RFX4: variants seen among roughly 807,000 people sequenced by gnomAD.
RFX4 encodes the protein transcription factor RFX4.
Under a neutral mutation model 95.0 loss-of-function variants are expected in RFX4, and 10 were observed. The observed-to-expected ratio is 0.11, with a 90% CI of 0.06 to 0.18. RFX4 has a LOEUF of 0.18. RFX4 is among the 10% of genes least tolerant of loss of function. The probability of loss-of-function intolerance (pLI) is 1.00; values close to 1 mark genes in which losing one functional copy is unlikely to be tolerated. For missense variants in RFX4, 640 were observed against 922.0 expected, an observed-to-expected ratio of 0.69 and a Z score of 3.96; for synonymous variants, 321 against 340.7, an observed-to-expected ratio of 0.94 and a Z score of 0.64.
intron 1 of RFX4, among the ~76,000 whole-genome samples, chr12:106,607,577 T>TGGGG (rs200818869): frequency 4.4e-4 from 23 of 51,992 alleles, no homozygotes; most frequent in Non-Finnish European, 5.0e-4. Context: ...GGGGGTGGGG[T>TGGGG]GGGGGGGGCG....
At chr12:106,722,177 A>G (rs1011403317) in intron 13 of RFX4, among the ~76,000 whole-genome samples, 3 of 152,278 alleles carry the variant, frequency 2.0e-5, no homozygotes, top group African/African-American at 7.2e-5. Context: ...TAGCTCTGGA[A>G]AAATCATTCA....
chr12:106,713,335 G>A (rs1366922410), intron 10 of RFX4, among the ~76,000 whole-genome samples: 1 of 152,186 alleles, frequency 6.6e-6, no homozygotes, highest in Non-Finnish European at 1.5e-5. Context: ...GAATCTTTTG[G>A]GTGCCTACTG....
chr12:106,687,549 CAAAAA>C (rs34562413), intron 6 of RFX4, among the ~76,000 whole-genome samples: 1 of 73,896 alleles, frequency 1.4e-5, no homozygotes, highest in Non-Finnish European at 3.3e-5. Flanking sequence ...AACTCCATCT[CAAAAA>C]AAAAAAAAAA....
At chr12:106,672,899 G>A (rs1457553952) in intron 4 of RFX4, among the ~76,000 whole-genome samples, 2 of 152,088 alleles carry the variant, frequency 1.3e-5, no homozygotes, top group African/African-American at 2.4e-5. Context: ...AGAATGTGAT[G>A]TGATACAGCA....
chr12:106,687,971 G>T (rs2041695793), intron 6 of RFX4, among the ~76,000 whole-genome samples: 1 of 151,728 alleles, frequency 6.6e-6, no homozygotes, highest in Non-Finnish European at 1.5e-5. Context: ...GATTTTATAG[G>T]TATAGTGAAT....
At chr12:106,634,170 A>G (rs1340908358) in intron 2 of RFX4, among the ~76,000 whole-genome samples, 1 of 152,250 alleles carries the variant, frequency 6.6e-6, no homozygotes, top group African/African-American at 2.4e-5. Flanking sequence ...AAAAAGATGA[A>G]CATGCATTAC....
At chr12:106,749,355 G>C (rs1359969170) in intron 16 of RFX4, among the ~76,000 whole-genome samples, 1 of 152,078 alleles carries the variant, frequency 6.6e-6, no homozygotes, top group East Asian at 1.9e-4. Flanking sequence ...GGGGGACATG[G>C]GAGGAGGAGG....
intron 15 of RFX4, 92 bp from the exon 16 acceptor site, chr12:106,747,345 C>T (rs61943292): frequency 1.4e-6 from 2 of 1,447,988 alleles, no homozygotes; most frequent in Admixed American, 1.9e-5. Flanking sequence ...TTTTGGCCTT[C>T]AACTTAAGAA....
intron 2 of RFX4, among the ~76,000 whole-genome samples, chr12:106,630,847 G>A (rs749358195): frequency 4.6e-5 from 7 of 152,242 alleles, no homozygotes; most frequent in South Asian, 2.1e-4. Context: ...GAAAGGAAAT[G>A]ATGAGGCAGA....
At chr12:106,684,192 C>A (rs976673313) in intron 5 of RFX4, among the ~76,000 whole-genome samples, 3 of 152,100 alleles carry the variant, frequency 2.0e-5, no homozygotes, top group African/African-American at 7.2e-5. Context: ...CATGGTGAAA[C>A]CCCATCTCTA....
chr12:106,693,316 C>T (rs1290164054), intron 7 of RFX4, among the ~76,000 whole-genome samples: 3 of 152,168 alleles, frequency 2.0e-5, no homozygotes. Flanking sequence ...ATGGATCAGC[C>T]TTCCCAGTGC....
At chr12:106,695,654 T>A (rs1047343490) in intron 7 of RFX4, among the ~76,000 whole-genome samples, 3 of 152,194 alleles carry the variant, frequency 2.0e-5, no homozygotes, top group Non-Finnish European at 4.4e-5. Flanking sequence ...CCCACATAGC[T>A]TACCACTCAG....
intron 17 of RFX4, 78 bp downstream of exon 17, chr12:106,750,871 GT>G: frequency 1.5e-6 from 2 of 1,323,086 alleles, no homozygotes; most frequent in Non-Finnish European, 2.0e-6. Context: ...TTCATAAACT[GT>G]TATGCATACT....
At position 106,639,410 on chromosome 12, in the gene RFX4, G is replaced by C; in HGVS notation, c.191+18G>C. 2 of 1,611,854 alleles carry C rather than the reference G, an allele frequency of 1.2e-6. No homozygotes were observed. The highest frequency in any genetic ancestry group is 1.7e-6 in the Non-Finnish European group (2 of 1,178,384). On this transcript the variant is annotated intron_variant, in intron 3 of 17. Coordinates refer to ENST00000392842, the MANE Select transcript of RFX4 (RefSeq NM_213594.3). ...CTGCAATGGTAAGTTTCCATTTTTAGCAAGTTCTGTCTTCAGAGGATGCTC... is the reference window on the plus strand; with the variant it reads ...CTGCAATGGTAAGTTTCCATTTTTACCAAGTTCTGTCTTCAGAGGATGCTC...
At chr12:106,709,094 C>T (rs2042145262) in intron 8 of RFX4, among the ~76,000 whole-genome samples, 1 of 151,562 alleles carries the variant, frequency 6.6e-6, no homozygotes, top group Non-Finnish European at 1.5e-5. Flanking sequence ...CTGGATGCCA[C>T]CAAGCCTTGC....
intron 15 of RFX4, among the ~76,000 whole-genome samples, chr12:106,739,471 T>A (rs1777969360): frequency 6.6e-6 from 1 of 152,214 alleles, no homozygotes; most frequent in Admixed American, 6.5e-5. Context: ...CATCCTTCGA[T>A]ACAAGGACTA....
At chr12:106,748,778 A>G (rs973344406) in intron 16 of RFX4, among the ~76,000 whole-genome samples, 1 of 150,314 alleles carries the variant, frequency 6.7e-6, no homozygotes, top group Admixed American at 6.6e-5. Flanking sequence ...ATGAAACCCC[A>G]TCTCCCTACT....
chr12:106,659,808 C>T (rs1382049921), intron 4 of RFX4, among the ~76,000 whole-genome samples: 1 of 152,168 alleles, frequency 6.6e-6, no homozygotes, highest in Non-Finnish European at 1.5e-5. Flanking sequence ...AGCTCATGCC[C>T]TTAGCCACCT....
At chr12:106,600,554 A>T (rs1186141393) in intron 1 of RFX4, among the ~76,000 whole-genome samples, 1 of 152,168 alleles carries the variant, frequency 6.6e-6, no homozygotes, top group Admixed American at 6.5e-5. Flanking sequence ...TAGTTGCCAA[A>T]TGCAGACAGG....
Sources: allele counts gnomAD v4.1 joint callset (sites outside exome capture counted in the v4.1 genomes callset), GRCh38; gene constraint gnomAD v4.1.1; transcripts MANE v1.5; gene names NCBI Gene and HGNC (gene_info 2026-07-23, HGNC 2026-07-21).